Variants in UBE2L3 observed in about 807,000 individuals in gnomAD.
The protein encoded by UBE2L3 is ubiquitin conjugating enzyme E2 L3.
UBE2L3 carries 1 observed loss-of-function variant against 17.8 expected under a neutral mutation model. The ratio of observed to expected loss-of-function variants is 0.06; its 90% CI spans 0.02 to 0.27. UBE2L3 has a LOEUF of 0.27. UBE2L3 is among the 10% of genes least tolerant of loss of function. UBE2L3 has a pLI of 1.00. For synonymous variants in UBE2L3, 44 were observed against 68.5 expected, an observed-to-expected ratio of 0.64 and a Z score of 1.76; for missense variants, 40 against 192.6, an observed-to-expected ratio of 0.21 and a Z score of 4.69.
At chr22:21,563,632 A>G (rs1926531310), upstream of UBE2L3, among the ~76,000 whole-genome samples, 1 of 143,994 alleles carries the variant, frequency 6.9e-6, no homozygotes, top group African/African-American at 2.5e-5. Flanking sequence ...GTTGGAGTGC[A>G]ATGGTGTGAT....
At chr22:21,578,075 C>T (rs761801077) in intron 1 of UBE2L3, among the ~76,000 whole-genome samples, 1 of 151,778 alleles carries the variant, frequency 6.6e-6, no homozygotes. Flanking sequence ...GAACAGTCAG[C>T]GGCCGGGCAC....
At chr22:21,561,506 C>T (rs1926429352) in intron 1 of UBE2L3, among the ~76,000 whole-genome samples, 1 of 152,270 alleles carries the variant, frequency 6.6e-6, no homozygotes, top group Non-Finnish European at 1.5e-5. Context: ...AACTTGAGTA[C>T]AGGAGGTTGA....
chr22:21,558,225 A>G (rs1394904138), intron 1 of UBE2L3, among the ~76,000 whole-genome samples: 1 of 151,640 alleles, frequency 6.6e-6, no homozygotes, highest in African/African-American at 2.4e-5. Context: ...GGCCTTGAGG[A>G]GGGGAATGGG....
rs116469459 is a variant in UBE2L3 at position 21,593,499 on chromosome 22, C to T, written c.123+543C>T. On this transcript the variant is annotated intron_variant, in intron 2 of 3. Transcript: ENST00000342192. ...TGGGGCTTATGCCTCCAGTGTCTGC[C>T]CCCACAGCCCAGCTCCCCCATCTCA... 6.2e-3 allele frequency among the ~76,000 whole-genome samples: 943 copies of T among 152,190 alleles called. 16 individuals carry two copies. The highest frequency in any genetic ancestry group is 0.022 in the African/African-American group (905 of 41,508).
At chr22:21,618,608 C>T (rs934627151) in intron 3 of UBE2L3, among the ~76,000 whole-genome samples, 3 of 148,166 alleles carry the variant, frequency 2.0e-5, no homozygotes, top group Admixed American at 6.7e-5. Flanking sequence ...TTTTTTTTTG[C>T]GATAGGGTCT....
chr22:21,564,060 T>C (rs1427623568), upstream of UBE2L3, among the ~76,000 whole-genome samples: 1 of 148,658 alleles, frequency 6.7e-6, no homozygotes, highest in Non-Finnish European at 1.5e-5. Context: ...TTTTGAGACA[T>C]GGTCTCACTC....
At chr22:21,604,675 T>G (rs952345328) in intron 2 of UBE2L3, among the ~76,000 whole-genome samples, 2 of 152,146 alleles carry the variant, frequency 1.3e-5, no homozygotes, top group Non-Finnish European at 2.9e-5. Context: ...CAAGTTTAGC[T>G]CTAATGTTGA....
chr22:21,590,156 T>C (rs374898397), intron 1 of UBE2L3, among the ~76,000 whole-genome samples: 6 of 151,876 alleles, frequency 4.0e-5, no homozygotes, highest in African/African-American at 1.2e-4. Flanking sequence ...TTATAATTCT[T>C]GTGAAATTTA....
At chr22:21,610,019 AAAT>A (rs939819273) in intron 2 of UBE2L3, among the ~76,000 whole-genome samples, 1 of 152,104 alleles carries the variant, frequency 6.6e-6, no homozygotes, top group East Asian at 1.9e-4. Context: ...GACTCTGAAA[AAAT>A]AATAATAATA....
intron 1 of UBE2L3, among the ~76,000 whole-genome samples, chr22:21,585,909 G>T (rs890267299): frequency 6.6e-6 from 1 of 152,034 alleles, no homozygotes; most frequent in Non-Finnish European, 1.5e-5. Context: ...TTGGGGGAAG[G>T]GTCGTCTAGT....
chr22:21,591,060 A>G (rs1233605271), intron 1 of UBE2L3, among the ~76,000 whole-genome samples: 1 of 152,074 alleles, frequency 6.6e-6, no homozygotes, highest in Non-Finnish European at 1.5e-5. Flanking sequence ...CCAGGGGAGC[A>G]TTTCTTATGA....
At chr22:21,603,093 A>T (rs1441952665) in intron 2 of UBE2L3, among the ~76,000 whole-genome samples, 1 of 152,208 alleles carries the variant, frequency 6.6e-6, no homozygotes, top group Non-Finnish European at 1.5e-5. Context: ...AAATTTTTTT[A>T]AATTGGCTTT....
At chr22:21,599,798 GT>G (rs961969939) in intron 2 of UBE2L3, among the ~76,000 whole-genome samples, 1 of 152,012 alleles carries the variant, frequency 6.6e-6, no homozygotes, top group Non-Finnish European at 1.5e-5. Flanking sequence ...TGTTTGTTTT[GT>G]TTTTTTCACT....
intron 3 of UBE2L3, among the ~76,000 whole-genome samples, chr22:21,615,055 T>C (rs954070761): frequency 2.0e-5 from 3 of 152,024 alleles, no homozygotes; most frequent in Non-Finnish European, 4.4e-5. Context: ...CATGGGAGGC[T>C]GAAGCTGGAG....
intron 2 of UBE2L3, among the ~76,000 whole-genome samples, chr22:21,596,784 T>C (rs1928549401): frequency 6.6e-6 from 1 of 152,082 alleles, no homozygotes; most frequent in South Asian, 2.1e-4. Context: ...ATTGCGCCCA[T>C]CCTGTAACGT....
At chr22:21,562,966 A>G (rs973853089), upstream of UBE2L3, among the ~76,000 whole-genome samples, 8 of 151,224 alleles carry the variant, frequency 5.3e-5, no homozygotes, top group Admixed American at 2.0e-4. Context: ...ATTTATTGCC[A>G]GGCATGGCGG....
At chr22:21,598,984 C>T (rs1210147626) in intron 2 of UBE2L3, among the ~76,000 whole-genome samples, 1 of 151,944 alleles carries the variant, frequency 6.6e-6, no homozygotes, top group Non-Finnish European at 1.5e-5. Flanking sequence ...GGGCTACAGG[C>T]ATACACCACC....
chr22:21,613,921 A>G (rs568320644), intron 3 of UBE2L3, among the ~76,000 whole-genome samples: 28 of 152,250 alleles, frequency 1.8e-4, no homozygotes, highest in Non-Finnish European at 3.2e-4. Flanking sequence ...GTGAAGGCAT[A>G]GAACTGGTAC....
At position 21,623,121 on chromosome 22, in the gene UBE2L3, T is replaced by C. The variant is rs150079120; in HGVS notation, c.*1452T>C. 19 of 152,392 alleles carry C rather than the reference T, an allele frequency of 1.2e-4. No homozygotes were observed. The highest frequency in any genetic ancestry group is 4.6e-4 in the African/African-American group (19 of 41,546). The allele number at this position is 152,392 out of a possible 1,614,324, so 9.4% of individuals were successfully genotyped here. Reference sequence around the variant, plus strand: ...TTCTTGGCTCTTGGGGGGGACTAGATCCTGTGGAGAAGATGACTTAAACTT... The same window carrying C: ...TTCTTGGCTCTTGGGGGGGACTAGACCCTGTGGAGAAGATGACTTAAACTT... On this transcript the variant is annotated 3_prime_UTR_variant, in exon 4 of 4. Coordinates refer to ENST00000342192, the MANE Select transcript of UBE2L3 (RefSeq NM_003347.4).
Sources: allele counts gnomAD v4.1 joint callset (sites outside exome capture counted in the v4.1 genomes callset), GRCh38; gene constraint gnomAD v4.1.1; transcripts MANE v1.5; gene names NCBI Gene and HGNC (gene_info 2026-07-23, HGNC 2026-07-21).